The following LIPM variants were observed in gnomAD, a reference collection of about 807,000 sequenced individuals.
LIPM encodes the protein lipase family member M.
LIPM carries 42 observed loss-of-function variants against 42.4 expected under a neutral mutation model. The observed-to-expected ratio is 0.99, with a 90% CI of 0.77 to 1.28. The LOEUF is 1.28. Ranked by LOEUF, LIPM falls within the 50% of genes most tolerant of loss-of-function variation. LIPM has a pLI of 0.00. For missense variants in LIPM, 524 were observed against 520.1 expected (o/e 1.01, Z -0.07); for synonymous variants, 177 against 173.3 (o/e 1.02, Z -0.17).
Position 88,802,874 on chromosome 10 carries a change from A to T in LIPM, c.-23A>T. 6.6e-7 allele frequency: 1 copy of T among 1,520,528 alleles called. No homozygotes were observed. The highest frequency in any genetic ancestry group is 1.3e-5 in the South Asian group (1 of 78,728). 94.2% of individuals were successfully genotyped at this position (1,520,528 alleles called of 1,614,324 possible). A position where few individuals can be genotyped will look rare whatever the true frequency, so the allele number is the denominator to read the frequency against. ...GAATTAGTTGTTACATTGGCAGGAA[A>T]AAATAAATGCAGATGTTGGACCATG... is the stretch of plus-strand genomic sequence containing the variant. On this transcript the variant is annotated 5_prime_UTR_variant, in exon 1 of 9. Coordinates refer to ENST00000404743, the MANE Select transcript of LIPM (RefSeq NM_001128215.1).
chr10:88,815,338 T>A lies in LIPM; in HGVS notation c.712-19T>A. 6.4e-7 allele frequency: 1 copy of A among 1,551,446 alleles called. No individual in the cohort carries two copies. The highest frequency in any genetic ancestry group is 8.7e-7 in the Non-Finnish European group (1 of 1,146,836). The stretch of plus-strand genomic sequence containing the variant: ...ATCTTTTCTGTCTGTCATGTCTATG[T>A]CACTTCATATTTTCACAGGGATTGT... On this transcript the variant is annotated intron_variant, in intron 5 of 8. Coordinates refer to ENST00000404743, the MANE Select transcript of LIPM (RefSeq NM_001128215.1).
intron 1 of LIPM, among the ~76,000 whole-genome samples, chr10:88,805,335 C>A (rs749881957): frequency 7.9e-5 from 12 of 152,174 alleles, no homozygotes; most frequent in Non-Finnish European, 1.3e-4. Flanking sequence ...AGATAAATGG[C>A]AGTTGCTTGA....
intron 1 of LIPM, among the ~76,000 whole-genome samples, chr10:88,803,836 T>A (rs303537): frequency 6.6e-6 from 1 of 152,004 alleles, no homozygotes; most frequent in Non-Finnish European, 1.5e-5. Context: ...AACAAGGCCA[T>A]ACCAATGTAA....
Position 88,816,601 on chromosome 10 carries a change from G to T in LIPM, c.859-215G>T, listed in dbSNP as rs550374705. ...TTTAATTAGGGGCCAGATCTCTGAT[G>T]AGAACCTATTCTCAGATGAAAAATA... On this transcript the variant is annotated intron_variant, in intron 6 of 8. Coordinates refer to ENST00000404743, the MANE Select transcript of LIPM (RefSeq NM_001128215.1). Among the ~76,000 whole-genome samples the T allele has an allele frequency of 1.3e-4, 20 of 152,246 alleles. No individual in the cohort carries two copies. The East Asian group carries it at 3.7e-3, about 28-fold the overall frequency.
At chr10:88,808,910 C>CATTCTATTTTATTTT (rs1843620128) in intron 2 of LIPM, among the ~76,000 whole-genome samples, 1 of 135,336 alleles carries the variant, frequency 7.4e-6, no homozygotes, top group African/African-American at 2.8e-5. Flanking sequence ...TCTATACATA[C>CATTCTATTTTATTTT]ATTTTATTTT....
intron 8 of LIPM, among the ~76,000 whole-genome samples, chr10:88,818,771 C>T (rs1843748720): frequency 6.6e-6 from 1 of 152,176 alleles, no homozygotes; most frequent in South Asian, 2.1e-4. Flanking sequence ...CTGTGCAGTG[C>T]CCCTGGATAG....
rs572652952 is a variant in LIPM, at chr10:88,807,356, TG to T, written c.148-941del. On this transcript the variant is annotated intron_variant, in intron 1 of 8. Coordinates refer to ENST00000404743, the MANE Select transcript of LIPM (RefSeq NM_001128215.1). ...GAGCTTTCTCCTAATGACTATGCTT[TG>T]TTTTTGCCCTATATTCTACCTGGGC... Among the ~76,000 whole-genome samples the T allele has an allele frequency of 5.8e-4, 88 of 152,348 alleles. 1 individual carries two copies. In the South Asian group the frequency reaches 0.018, roughly 31 times the overall value.
At chr10:88,818,330 C>T (rs1044742758) in intron 8 of LIPM, among the ~76,000 whole-genome samples, 1 of 152,166 alleles carries the variant, frequency 6.6e-6, no homozygotes, top group Non-Finnish European at 1.5e-5. Flanking sequence ...CTATAAACTT[C>T]TGTAATAGGA....
chr10:88,814,591 G>A lies in LIPM; in HGVS notation c.526G>A (p.Gly176Ser), dbSNP rs1011476607. 130 of 1,551,774 alleles carry A rather than the reference G, an allele frequency of 8.4e-5. No individual in the cohort carries two copies. The highest frequency in any genetic ancestry group is 1.1e-4 in the Non-Finnish European group (127 of 1,146,972). ...AVINFILQKT[G>S]QEKIYYVGYS... ...GATAAACTTTATTTTGCAGAAAACGGGCCAGGAAAAGATCTATTATGTCGG... is the reference window on the plus strand; with the variant it reads ...GATAAACTTTATTTTGCAGAAAACGAGCCAGGAAAAGATCTATTATGTCGG... Residue 176 changes from glycine to serine, a missense_variant, in exon 4 of 9, where the codon GGC becomes AGC. Physicochemically the swap from Gly to Ser is moderately conservative, Grantham distance 56 (BLOSUM62 0). Transcript: ENST00000404743.
At chr10:88,806,183 A>G (rs1432117427) in intron 1 of LIPM, among the ~76,000 whole-genome samples, 1 of 152,178 alleles carries the variant, frequency 6.6e-6, no homozygotes, top group Non-Finnish European at 1.5e-5. Flanking sequence ...CATGTTGACC[A>G]TCTTGCCACC....
At chr10:88,803,921 TC>T (rs1315263115) in intron 1 of LIPM, among the ~76,000 whole-genome samples, 2 of 152,050 alleles carry the variant, frequency 1.3e-5, no homozygotes, top group Non-Finnish European at 2.9e-5. Context: ...CAATAAACCC[TC>T]CCAGGTGAGA....
At chr10:88,803,885 CAA>C (rs774477594) in intron 1 of LIPM, among the ~76,000 whole-genome samples, 2 of 152,078 alleles carry the variant, frequency 1.3e-5, no homozygotes, top group African/African-American at 2.4e-5. Context: ...TGCCTAAACA[CAA>C]AGTCTATAAT....
In LIPM at chr10:88,813,197, T is replaced by A; in HGVS notation, c.366T>A (p.Asp122Glu). Residue 122 changes from aspartate to glutamate, a missense_variant, in exon 3 of 9, where the codon GAT (aspartate) becomes GAA (glutamate). Transcript: ENST00000404743. Reference protein sequence around the residue: ...PNNSLGFILADAGFDVWMGNS... With the variant: ...PNNSLGFILAEAGFDVWMGNS... ...ATAGCCTGGGCTTCATTCTGGCAGA[T>A]GCTGGTTTTGACGTGTGGATGGGGA... 1 of 1,613,862 alleles carries A rather than the reference T, an allele frequency of 6.2e-7. No homozygotes were observed. Among genetic ancestry groups the A allele is most frequent in the Non-Finnish European group, 8.5e-7 (1 of 1,179,864 alleles).
In LIPM at chr10:88,803,042, T is replaced by C. The variant is rs1212677093; in HGVS notation, c.146T>C (p.Ile49Thr). The C allele has an allele frequency of 7.7e-6, 12 of 1,550,016 alleles. No individual in the cohort carries two copies. Among genetic ancestry groups the C allele is most frequent in the Non-Finnish European group, 9.6e-6 (11 of 1,146,386 alleles). Residue 49 changes from isoleucine to threonine, a missense_variant and splice_region_variant, in exon 1 of 9, where the codon ATT becomes ACT. Ile to Thr is a moderately conservative substitution (Grantham distance 89). Coordinates refer to ENST00000404743, the MANE Select transcript of LIPM (RefSeq NM_001128215.1). ...KAVDPEAFMNISEIIQHQGYP... is the reference protein window; with the variant it reads ...KAVDPEAFMNTSEIIQHQGYP... ...GTGGACCCAGAAGCATTCATGAATA[T>C]TGTAAGTTGGGATTTCTGGGAAATG...
intron 1 of LIPM, among the ~76,000 whole-genome samples, chr10:88,807,364 C>T (rs1210176846): frequency 6.6e-6 from 1 of 152,162 alleles, no homozygotes; most frequent in East Asian, 1.9e-4. Flanking sequence ...TTTGTTTTTG[C>T]CCTATATTCT....
At position 88,815,180 on chromosome 10, in the gene LIPM, AG is replaced by A; in HGVS notation, c.668del (p.Ser223ThrfsTer12). On this transcript the variant is annotated frameshift_variant, in exon 5 of 9. Coordinates refer to ENST00000404743, the MANE Select transcript of LIPM (RefSeq NM_001128215.1). LOFTEE classifies it high-confidence loss of function. ...APIATVKHAKSPGTKFLLLPD... is the reference protein window; with the variant it reads ...APIATVKHAKXPGTKFLLLPD... Reference sequence around the variant, plus strand: ...CATAGCCACTGTTAAGCATGCAAAAAGCCCCGGGACCAAATTTTTGTTGCTG... The same window carrying A: ...CATAGCCACTGTTAAGCATGCAAAAACCCCGGGACCAAATTTTTGTTGCTG... The A allele has an allele frequency of 1.3e-6, 2 of 1,551,980 alleles. No individual in the cohort carries two copies. The highest frequency in any genetic ancestry group is 1.7e-6 in the Non-Finnish European group (2 of 1,147,024).
intron 2 of LIPM, among the ~76,000 whole-genome samples, chr10:88,812,376 G>A (rs936421991): frequency 6.6e-6 from 1 of 152,094 alleles, no homozygotes; most frequent in South Asian, 2.1e-4. Flanking sequence ...AGGATATGTA[G>A]TATTCTGTCT....
intron 6 of LIPM, 77 bp from the exon 7 acceptor site, chr10:88,816,739 C>A (rs1230747384): frequency 1.2e-5 from 11 of 907,092 alleles, no homozygotes; most frequent in Non-Finnish European, 1.8e-5. Context: ...GTCTGACACC[C>A]TGGAGATTTG....
At position 88,815,518 on chromosome 10, in the gene LIPM, A is replaced by C; in HGVS notation, c.858+15A>C. 6.5e-7 allele frequency: 1 copy of C among 1,549,214 alleles called. No individual in the cohort carries two copies. On this transcript the variant is annotated intron_variant, in intron 6 of 8. Transcript: ENST00000404743. Reference sequence around the variant, plus strand: ...ATATGAACATGGTAAGTGGGAGCCTAGTAAATTCCCAGCATCCCAGCATAA... The same window carrying C: ...ATATGAACATGGTAAGTGGGAGCCTCGTAAATTCCCAGCATCCCAGCATAA...
Sources: allele counts gnomAD v4.1 joint callset (sites outside exome capture counted in the v4.1 genomes callset), GRCh38; gene constraint gnomAD v4.1.1; transcripts MANE v1.5; gene names NCBI Gene and HGNC (gene_info 2026-07-23, HGNC 2026-07-21).